Variants in FKTN observed in about 807,000 individuals in gnomAD.
FKTN encodes ribitol-5-phosphate transferase FKTN.
In FKTN, 47 loss-of-function variants were observed where a neutral mutation model predicts 58.6. The observed-to-expected ratio is 0.80, with a 90% confidence interval of 0.63 to 1.02. FKTN has a LOEUF of 1.02. Ranked by LOEUF, FKTN falls within the 50% of genes least tolerant of loss-of-function variation. FKTN has a pLI of 0.00. For synonymous variants in FKTN, 178 were observed against 191.9 expected (o/e 0.93, Z 0.60); for missense variants, 516 against 537.3 (o/e 0.96, Z 0.39).
At chr9:105,619,517 CACTTT>C (rs1460128643) in intron 9 of FKTN, among the ~76,000 whole-genome samples, 4 of 152,128 alleles carry the variant, frequency 2.6e-5, no homozygotes, top group East Asian at 3.9e-4. Flanking sequence ...TGAGGAATGC[CACTTT>C]ACTTAAGTAC....
intron 1 of FKTN, among the ~76,000 whole-genome samples, chr9:105,563,539 G>A (rs887087180): frequency 6.6e-6 from 1 of 152,144 alleles, no homozygotes; most frequent in African/African-American, 2.4e-5. Context: ...TATGCCCACG[G>A]AGCCTCACTC....
chr9:105,616,214 A>G (rs968534263), intron 8 of FKTN, among the ~76,000 whole-genome samples: 1 of 152,224 alleles, frequency 6.6e-6, no homozygotes, highest in Admixed American at 6.5e-5. Context: ...ACTATAGTTG[A>G]TTCTCAGATA....
At chr9:105,617,374 T>C (rs919404915) in intron 8 of FKTN, among the ~76,000 whole-genome samples, 4 of 152,348 alleles carry the variant, frequency 2.6e-5, no homozygotes, top group African/African-American at 9.6e-5. Flanking sequence ...AAGCTGCTAC[T>C]GCTTTTCTTT....
chr9:105,624,453 C>G (rs143452253), intron 10 of FKTN: 1 of 151,618 alleles, frequency 6.6e-6, no homozygotes, highest in Non-Finnish European at 1.5e-5. Flanking sequence ...CAGAATAAAC[C>G]CTGGCTTTAT....
rs1040796769 is a variant in FKTN, at chr9:105,640,969, A to T, written c.*5705A>T. The T allele has an allele frequency of 3.9e-5, 6 of 152,228 alleles. No homozygotes were observed. The highest frequency in any genetic ancestry group is 1.4e-4 in the African/African-American group (6 of 41,460). The allele number at this position is 152,228 out of a possible 1,614,324, so 9.4% of individuals were successfully genotyped here. On this transcript the variant is annotated 3_prime_UTR_variant, in exon 11 of 11. Transcript: ENST00000357998. ...GATATTTTAAAGATGAATTGATTCA[A>T]TGTGTACTTACCAGTTTACTGTGTG... is the stretch of plus-strand genomic sequence containing the variant.
At chr9:105,604,768 A>C (rs1770532800) in intron 6 of FKTN, among the ~76,000 whole-genome samples, 2 of 152,068 alleles carry the variant, frequency 1.3e-5, no homozygotes, top group Admixed American at 1.3e-4. Context: ...CAGCCTGGCC[A>C]ACATGGTGAA....
At chr9:105,599,572 C>T (rs750790100) in intron 4 of FKTN, among the ~76,000 whole-genome samples, 6 of 149,460 alleles carry the variant, frequency 4.0e-5, no homozygotes, top group African/African-American at 7.4e-5. Context: ...CTTGTGATCT[C>T]GGCTCACTGC....
At chr9:105,590,575 C>T (rs556068915) in intron 3 of FKTN, among the ~76,000 whole-genome samples, 16 of 152,150 alleles carry the variant, frequency 1.1e-4, no homozygotes, top group Non-Finnish European at 1.8e-4. Context: ...TTGATGGATT[C>T]GATGTAGGGT....
intron 2 of FKTN, 172 bp from the exon 3 acceptor site, chr9:105,574,773 T>G: frequency 2.8e-6 from 1 of 356,476 alleles, no homozygotes; most frequent in East Asian, 5.4e-5. Flanking sequence ...ATAATAAACA[T>G]TTTTGTTTTT....
Position 105,601,261 on chromosome 9 carries a change from T to C in FKTN, c.282T>C (p.Ser94=). The change falls in exon 5 of 11, where the codon TCT becomes TCC. Residue 94 remains serine (S), a synonymous_variant. Coordinates refer to ENST00000357998, the MANE Select transcript of FKTN (RefSeq NM_001079802.2). ...NKNFEQVKNT[S]HGSTSQCKFF... is the part of the protein sequence containing the mutation. ...ACTTTGAACAAGTCAAAAATACTTC[T>C]CATGGCTCTACTTCACAATGCAAGT... 6.2e-7 allele frequency: 1 copy of C among 1,612,686 alleles called. No individual in the cohort carries two copies. The highest frequency in any genetic ancestry group is 8.5e-7 in the Non-Finnish European group (1 of 1,179,098).
At chr9:105,579,778 C>T (rs1842507855) in intron 3 of FKTN, among the ~76,000 whole-genome samples, 1 of 148,186 alleles carries the variant, frequency 6.7e-6, no homozygotes, top group South Asian at 2.2e-4. Flanking sequence ...TTAAAGTCTC[C>T]CATTATTAAT....
intron 10 of FKTN, among the ~76,000 whole-genome samples, chr9:105,625,037 C>G (rs1410741601): frequency 6.6e-6 from 1 of 152,112 alleles, no homozygotes; most frequent in African/African-American, 2.4e-5. Context: ...GTAATAGATT[C>G]ACAACTGTTT....
At chr9:105,593,836 A>G (rs988635013) in intron 3 of FKTN, among the ~76,000 whole-genome samples, 1 of 152,312 alleles carries the variant, frequency 6.6e-6, no homozygotes, top group African/African-American at 2.4e-5. Context: ...TGGATTTAGC[A>G]ATGTTCAGGT....
intron 7 of FKTN, among the ~76,000 whole-genome samples, chr9:105,608,335 G>A (rs1829287496): frequency 6.6e-6 from 1 of 152,144 alleles, no homozygotes; most frequent in Non-Finnish European, 1.5e-5. Flanking sequence ...TGAAAATACA[G>A]TTTGTTTCAG....
chr9:105,567,729 T>G (rs1242109653), intron 1 of FKTN, among the ~76,000 whole-genome samples: 1 of 152,192 alleles, frequency 6.6e-6, no homozygotes, highest in Non-Finnish European at 1.5e-5. Flanking sequence ...AGGTAATTTA[T>G]AGATTCAGTG....
At chr9:105,578,842 T>A (rs201657599) in intron 3 of FKTN, among the ~76,000 whole-genome samples, 16,252 of 151,914 alleles carry the variant, frequency 0.11, 1,115 homozygotes, top group Admixed American at 0.2. Flanking sequence ...TTGCCTCAAT[T>A]TCAGAGCCTG....
chr9:105,638,697 ATC>A lies in FKTN; in HGVS notation c.*3435_*3436del, dbSNP rs544563538. On this transcript the variant is annotated 3_prime_UTR_variant, in exon 11 of 11. Transcript: ENST00000357998. ...TTGCAGTTTTCAAGATTTTTTTTTT[ATC>A]TGCTTGGCTGGAAAGGAGACTAGAG... 1.0e-5 allele frequency: 10 copies of A among 983,724 alleles called. No individual in the cohort carries two copies. In the East Asian group the frequency reaches 1.1e-3, roughly 112 times the overall value. 60.9% of individuals were successfully genotyped at this position (983,724 alleles called of 1,614,324 possible).
At position 105,638,616 on chromosome 9, in the gene FKTN, C is replaced by A. The variant is rs143805719; in HGVS notation, c.*3352C>A. ...CTCTTTCCTTCCTAAGGGACCTTTC[C>A]CTGGTAGTAGTGGTCTCATTCACAA... On this transcript the variant is annotated 3_prime_UTR_variant, in exon 11 of 11. Coordinates refer to ENST00000357998, the MANE Select transcript of FKTN (RefSeq NM_001079802.2). 1.0e-5 allele frequency: 10 copies of A among 985,186 alleles called. No homozygotes were observed. The East Asian group carries it at 1.1e-3, about 112-fold the overall frequency. 61.0% of individuals were successfully genotyped at this position (985,186 alleles called of 1,614,324 possible).
At chr9:105,615,529 A>T in intron 8 of FKTN, 122 bp downstream of exon 8, 2 of 896,502 alleles carry the variant, frequency 2.2e-6, no homozygotes, top group Non-Finnish European at 3.8e-6. Context: ...GACAGAATAA[A>T]CATGAGTGCA....
Sources: allele counts gnomAD v4.1 joint callset (sites outside exome capture counted in the v4.1 genomes callset), GRCh38; gene constraint gnomAD v4.1.1; transcripts MANE v1.5; gene names NCBI Gene and HGNC (gene_info 2026-07-23, HGNC 2026-07-21).